Variants in GABBR2 observed in about 807,000 individuals in gnomAD.
GABBR2 encodes the protein gamma-aminobutyric acid type B receptor subunit 2.
In GABBR2, 23 loss-of-function variants were observed where a neutral mutation model predicts 105.6. The observed-to-expected ratio is 0.22, with a 90% CI of 0.16 to 0.31. The LOEUF is 0.31. Among genes scored for constraint, GABBR2 ranks in the 10% least tolerant of loss-of-function variants. The pLI is 1.00. For synonymous variants in GABBR2, 478 were observed against 499.7 expected (o/e 0.96, Z 0.58); for missense variants, 734 against 1,245.5 (o/e 0.59, Z 6.18).
chr9:98,507,127 T>C (rs1044856132), intron 3 of GABBR2, among the ~76,000 whole-genome samples: 12 of 152,206 alleles, frequency 7.9e-5, no homozygotes, highest in African/African-American at 2.9e-4. Flanking sequence ...TTCTCAGTTT[T>C]AGAAATTCCA....
chr9:98,439,614 G>T (rs1323133942), intron 7 of GABBR2, among the ~76,000 whole-genome samples: 3 of 152,104 alleles, frequency 2.0e-5, no homozygotes, highest in Non-Finnish European at 4.4e-5. Flanking sequence ...ACATATTTAG[G>T]GATGTGTGTG....
At chr9:98,546,752 G>T (rs1445234641) in intron 2 of GABBR2, among the ~76,000 whole-genome samples, 1 of 132,690 alleles carries the variant, frequency 7.5e-6, no homozygotes, top group Non-Finnish European at 1.7e-5. Context: ...ATTTGGCCTT[G>T]CATTTATCAT....
chr9:98,665,678 T>A (rs1023952810), intron 1 of GABBR2, among the ~76,000 whole-genome samples: 3 of 152,198 alleles, frequency 2.0e-5, no homozygotes, highest in Non-Finnish European at 1.5e-5. Context: ...GAGAACTAGA[T>A]GCTGCTTGAA....
chr9:98,421,020 G>A (rs1409170939), intron 7 of GABBR2, among the ~76,000 whole-genome samples: 1 of 152,158 alleles, frequency 6.6e-6, no homozygotes, highest in Non-Finnish European at 1.5e-5. Flanking sequence ...GGAACAGATG[G>A]TTTTGGTTCA....
intron 7 of GABBR2, 52 bp from the exon 8 acceptor site, chr9:98,406,193 T>C: frequency 9.5e-7 from 1 of 1,048,464 alleles, no homozygotes. Flanking sequence ...AATGCCACAT[T>C]AGCCCAAACG....
At chr9:98,506,696 C>G (rs925060183) in intron 3 of GABBR2, among the ~76,000 whole-genome samples, 1 of 152,202 alleles carries the variant, frequency 6.6e-6, no homozygotes, top group African/African-American at 2.4e-5. Flanking sequence ...TCCCTGGGGA[C>G]AGTTCCCTGC....
At chr9:98,489,422 T>C (rs996007939) in intron 4 of GABBR2, among the ~76,000 whole-genome samples, 2 of 152,198 alleles carry the variant, frequency 1.3e-5, no homozygotes, top group African/African-American at 2.4e-5. Flanking sequence ...TCACCTGCAA[T>C]AGGGAAGCTC....
rs1829576523 is a variant in GABBR2, at chr9:98,615,930, T to C, written c.322-37858A>G. ...AGGTGAGCTTGTGCAAGTTTGCACCTGTTTGTGCCTCAACTGCTTAGTGCT... is the reference window on the plus strand; with the variant it reads ...AGGTGAGCTTGTGCAAGTTTGCACCCGTTTGTGCCTCAACTGCTTAGTGCT... On this transcript the variant is annotated intron_variant, in intron 1 of 18. Coordinates refer to ENST00000259455, the MANE Select transcript of GABBR2 (RefSeq NM_005458.8). 3.3e-5 allele frequency among the ~76,000 whole-genome samples: 5 copies of C among 152,372 alleles called. No homozygotes were observed. In the South Asian group the frequency reaches 1.0e-3, roughly 32 times the overall value.
At position 98,362,721 on chromosome 9, in the gene GABBR2, G is replaced by A. The variant is rs1482301609; in HGVS notation, c.1887C>T (p.Ser629=). ...GCCGGCATGGAGGGCTTACCTCCATGCTGTACTTCTCCACTGTCCTTCGCA... is the reference window on the plus strand; with the variant it reads ...GCCGGCATGGAGGGCTTACCTCCATACTGTACTTCTCCACTGTCCTTCGCA... The part of the protein sequence containing the change: ...DPLRRTVEKY[S]MEPDPAGRDI... Residue 629 remains serine, a synonymous_variant, in exon 13 of 19, where the codon AGC becomes AGT. Transcript: ENST00000259455. 6.3e-7 allele frequency: 1 copy of A among 1,582,890 alleles called. No individual in the cohort carries two copies. Among genetic ancestry groups the A allele is most frequent in the Non-Finnish European group, 8.6e-7 (1 of 1,166,974 alleles).
chr9:98,515,071 A>T (rs1487876067), intron 3 of GABBR2, among the ~76,000 whole-genome samples: 1 of 152,192 alleles, frequency 6.6e-6, no homozygotes, highest in African/African-American at 2.4e-5. Flanking sequence ...GAATGAGCCA[A>T]GGAAGGATGG....
At chr9:98,679,256 C>G (rs1830510785) in intron 1 of GABBR2, among the ~76,000 whole-genome samples, 2 of 152,202 alleles carry the variant, frequency 1.3e-5, no homozygotes, top group Non-Finnish European at 2.9e-5. Context: ...TTGCTACTTG[C>G]ATACAATATG....
chr9:98,573,222 C>G (rs1176756628), intron 2 of GABBR2, among the ~76,000 whole-genome samples: 1 of 152,204 alleles, frequency 6.6e-6, no homozygotes, highest in East Asian at 1.9e-4. Context: ...GGGCTGCCCC[C>G]AAGAAGCTCA....
At position 98,299,217 on chromosome 9, in the gene GABBR2, C is replaced by G. The variant is rs371247282; in HGVS notation, c.2542+7G>C. On this transcript the variant is annotated splice_region_variant and intron_variant, in intron 17 of 18. Transcript: ENST00000259455. The stretch of plus-strand genomic sequence containing the variant: ...CCTACCACATTCTGGGGCCCTGGCT[C>G]TCTTACCTGTGCTCTCAGTGAAGTT... 4 of 1,613,576 alleles carry G rather than the reference C, an allele frequency of 2.5e-6. No homozygotes were observed. The highest frequency in any genetic ancestry group is 1.3e-5 in the African/African-American group (1 of 74,936).
chr9:98,527,609 G>T (rs997384282), intron 3 of GABBR2, among the ~76,000 whole-genome samples: 2 of 151,510 alleles, frequency 1.3e-5, no homozygotes, highest in Non-Finnish European at 2.9e-5. Flanking sequence ...ATTCCCCAAA[G>T]CAATAATAAA....
In GABBR2 at chr9:98,376,035, G is replaced by T. The variant is rs552026915; in HGVS notation, c.1663-4464C>A. 7.2e-5 allele frequency among the ~76,000 whole-genome samples: 11 copies of T among 152,202 alleles called. No individual in the cohort carries two copies. The East Asian group carries it at 1.9e-3, about 27-fold the overall frequency. On this transcript the variant is annotated intron_variant, in intron 11 of 18. Transcript: ENST00000259455. ...TTCTTTTTCTCCCCTTAGCCATCAG[G>T]TACTCAGCCCCCTCTGCGAACTGCC...
At chr9:98,430,699 G>A (rs1572473) in intron 7 of GABBR2, among the ~76,000 whole-genome samples, 40,080 of 151,880 alleles carry the variant, frequency 0.26, 6,162 homozygotes, top group Middle Eastern at 0.36. Flanking sequence ...CTCTTCTCCA[G>A]TGCTCTGCCT....
chr9:98,556,934 C>A lies in GABBR2; in HGVS notation c.460-14891G>T, dbSNP rs575884611. On this transcript the variant is annotated intron_variant, in intron 2 of 18. Coordinates refer to ENST00000259455, the MANE Select transcript of GABBR2 (RefSeq NM_005458.8). ...GTGGCCATGCCTGTGGTCCCAGCTA[C>A]TTGGGAGGCTGAGGCAGAAGAATTG... Among the ~76,000 whole-genome samples the A allele has an allele frequency of 1.5e-4, 23 of 152,272 alleles. No homozygotes were observed. The South Asian group carries it at 4.3e-3, about 29-fold the overall frequency.
chr9:98,615,524 T>G lies in GABBR2; in HGVS notation c.322-37452A>C, dbSNP rs141277225. ...CCTTATTGTCCAAAATTCTTTCTCCTCCCCACCCCCAGGATATTTTGAAAT... is the reference window on the plus strand; with the variant it reads ...CCTTATTGTCCAAAATTCTTTCTCCGCCCCACCCCCAGGATATTTTGAAAT... On this transcript the variant is annotated intron_variant, in intron 1 of 18. Transcript: ENST00000259455. Among the ~76,000 whole-genome samples the G allele has an allele frequency of 1.1e-4, 17 of 152,258 alleles. No individual in the cohort carries two copies. In the East Asian group the frequency reaches 2.9e-3, roughly 26 times the overall value.
chr9:98,349,947 G>A (rs1386024970), intron 13 of GABBR2, among the ~76,000 whole-genome samples: 1 of 151,978 alleles, frequency 6.6e-6, no homozygotes, highest in African/African-American at 2.4e-5. Flanking sequence ...GTCTGTGTAG[G>A]TTTTCTATTC....
Sources: allele counts gnomAD v4.1 joint callset (sites outside exome capture counted in the v4.1 genomes callset), GRCh38; gene constraint gnomAD v4.1.1; transcripts MANE v1.5; gene names NCBI Gene and HGNC (gene_info 2026-07-23, HGNC 2026-07-21).